GLB1L3: variants seen among roughly 807,000 people sequenced by gnomAD.
The protein encoded by GLB1L3 is galactosidase beta 1 like 3, also known as beta-galactosidase-1-like protein 3.
In GLB1L3, 89 loss-of-function variants were observed where a neutral mutation model predicts 89.5. The ratio of observed to expected loss-of-function variants is 0.99; its 90% confidence interval spans 0.84 to 1.19. GLB1L3 has a LOEUF of 1.19. Ranked by LOEUF, GLB1L3 falls within the 50% of genes most tolerant of loss-of-function variation. The pLI is 0.00. For synonymous variants in GLB1L3, 314 were observed against 312.3 expected, an observed-to-expected ratio of 1.01 and a Z score of -0.06; for missense variants, 812 against 813.3, an observed-to-expected ratio of 1.00 and a Z score of 0.02.
In GLB1L3 at chr11:134,293,729, T is replaced by C. The variant is rs555086583; in HGVS notation, c.876+520T>C. Among the ~76,000 whole-genome samples the C allele has an allele frequency of 5.1e-3, 580 of 113,962 alleles. 4 individuals carry two copies. The highest frequency in any genetic ancestry group is 0.015 in the African/African-American group (555 of 36,448). The allele number at this position is 113,962 out of a possible 152,430, so 74.8% of individuals were successfully genotyped here. On this transcript the variant is annotated intron_variant, in intron 9 of 19. Coordinates refer to ENST00000431683, the MANE Select transcript of GLB1L3 (RefSeq NM_001080407.3). ...CCAGGGAGTACATCTGTCCTTTCTC[T>C]GCAGCCTCCAGGGAGTACATCATCT...
chr11:134,290,613 A>T (rs1941308136), intron 7 of GLB1L3, among the ~76,000 whole-genome samples: 1 of 149,274 alleles, frequency 6.7e-6, no homozygotes, highest in South Asian at 2.1e-4. Flanking sequence ...AGAAAAAGAA[A>T]AAAAAACCAT....
intron 10 of GLB1L3, among the ~76,000 whole-genome samples, chr11:134,308,655 T>TCACCACCACCACCACCATCAC (rs1942556108): frequency 1.9e-4 from 20 of 105,544 alleles, no homozygotes; most frequent in East Asian, 6.4e-4. Flanking sequence ...ACCACCATCA[T>TCACCACCACCACCACCATCAC]CACCACCACC....
intron 9 of GLB1L3, among the ~76,000 whole-genome samples, chr11:134,298,971 A>G (rs1398757988): frequency 6.6e-6 from 1 of 152,196 alleles, no homozygotes; most frequent in Non-Finnish European, 1.5e-5. Context: ...GTGTGGTCTC[A>G]CAACTCTTGG....
rs1941738308 is a variant in GLB1L3, at chr11:134,297,882, A to G, written c.876+4673A>G. Among the ~76,000 whole-genome samples, 3 of 148,222 alleles carry G rather than the reference A, an allele frequency of 2.0e-5. No homozygotes were observed. In the South Asian group the frequency reaches 6.4e-4, roughly 32 times the overall value. ...CTCAAAAAAAAAAAAAAAAAAAAGAAAGAAAGAGAGAAAAAAATATATATA... is the reference window on the plus strand; with the variant it reads ...CTCAAAAAAAAAAAAAAAAAAAAGAGAGAAAGAGAGAAAAAAATATATATA... On this transcript the variant is annotated intron_variant, in intron 9 of 19. Transcript: ENST00000431683.
chr11:134,306,939 A>G (rs1022170821), intron 9 of GLB1L3, among the ~76,000 whole-genome samples, 185 bp from the exon 10 acceptor site: 1 of 152,248 alleles, frequency 6.6e-6, no homozygotes, highest in Non-Finnish European at 1.5e-5. Flanking sequence ...GAGTGGAGGA[A>G]CCAGAGCTGT....
At chr11:134,307,358 G>C in intron 10 of GLB1L3, 150 bp downstream of exon 10, 1 of 624,980 alleles carries the variant, frequency 1.6e-6, no homozygotes, top group Non-Finnish European at 2.8e-6. Flanking sequence ...AGGCCCTGAG[G>C]ATGCTCTGGT....
At chr11:134,311,550 C>G (rs773234338) in intron 13 of GLB1L3, 2 of 180,708 alleles carry the variant, frequency 1.1e-5, no homozygotes, top group Non-Finnish European at 2.3e-5. Flanking sequence ...TGGGTCACTG[C>G]TCCCCCTTTT....
intron 1 of GLB1L3, 87 bp from the exon 2 acceptor site, chr11:134,277,239 A>G (rs1244847945): frequency 6.3e-7 from 1 of 1,578,828 alleles, no homozygotes; most frequent in Non-Finnish European, 8.7e-7. Context: ...TCTGGCCTCT[A>G]AAGCGCCCCC....
intron 6 of GLB1L3, among the ~76,000 whole-genome samples, chr11:134,284,527 A>G (rs780807162): frequency 6.6e-6 from 1 of 152,074 alleles, no homozygotes; most frequent in Non-Finnish European, 1.5e-5. Flanking sequence ...CAGGAGTTCG[A>G]GATCAGCCTG....
Position 134,282,139 on chromosome 11 carries a change from C to T in GLB1L3, c.527+19C>T, listed in dbSNP as rs754846317. 1 of 1,559,826 alleles carries T rather than the reference C, an allele frequency of 6.4e-7. No individual in the cohort carries two copies. The highest frequency in any genetic ancestry group is 8.7e-7 in the Non-Finnish European group (1 of 1,150,808). On this transcript the variant is annotated intron_variant, in intron 5 of 19. Coordinates refer to ENST00000431683, the MANE Select transcript of GLB1L3 (RefSeq NM_001080407.3). Reference sequence around the variant, plus strand: ...TGCCCAGGTAAGCGGGGCTACAGTCCCAGAGTCGTGGTTCTAGTGAAGTAT... The same window carrying T: ...TGCCCAGGTAAGCGGGGCTACAGTCTCAGAGTCGTGGTTCTAGTGAAGTAT...
At chr11:134,315,465 AGT>A (rs957382844) in intron 18 of GLB1L3, among the ~76,000 whole-genome samples, 6 of 152,166 alleles carry the variant, frequency 3.9e-5, no homozygotes, top group Non-Finnish European at 7.4e-5. Context: ...TTTTTGAAAA[AGT>A]GTGTGAGTGT....
At chr11:134,319,641 A>G (rs1854620515), downstream of GLB1L3, 1 of 151,814 alleles carries the variant, frequency 6.6e-6, no homozygotes, top group African/African-American at 2.4e-5. Flanking sequence ...TGATTTCCTC[A>G]TGCCAGAGAG....
At chr11:134,284,342 C>T (rs909771855) in intron 6 of GLB1L3, among the ~76,000 whole-genome samples, 1 of 152,132 alleles carries the variant, frequency 6.6e-6, no homozygotes, top group Non-Finnish European at 1.5e-5. Context: ...AGGCATTTTT[C>T]TTTTGTTACT....
At chr11:134,288,957 T>C in intron 7 of GLB1L3, 67 bp downstream of exon 7, 1 of 1,107,372 alleles carries the variant, frequency 9.0e-7, no homozygotes, top group Non-Finnish European at 1.3e-6. Context: ...TTCTGATTCC[T>C]GGATGCATGA....
In GLB1L3 at chr11:134,293,941, G is replaced by C. The variant is rs539004690; in HGVS notation, c.876+732G>C. 2.6e-5 allele frequency among the ~76,000 whole-genome samples: 4 copies of C among 152,122 alleles called. No homozygotes were observed. The South Asian group carries it at 8.3e-4, about 32-fold the overall frequency. ...CAGCCCCGCTACCCCTCCCTTGAGG[G>C]CCTTCCTTCCATTCCAGCACACTGC... On this transcript the variant is annotated intron_variant, in intron 9 of 19. Coordinates refer to ENST00000431683, the MANE Select transcript of GLB1L3 (RefSeq NM_001080407.3).
upstream of GLB1L3, chr11:134,276,042 G>T (rs1429875230): frequency 6.6e-6 from 1 of 152,510 alleles, no homozygotes; most frequent in Admixed American, 6.5e-5. Flanking sequence ...GCAGCTCGGC[G>T]TGGCGTCCAC....
intron 6 of GLB1L3, among the ~76,000 whole-genome samples, chr11:134,286,092 A>T (rs899989144): frequency 5.9e-5 from 9 of 151,882 alleles, no homozygotes; most frequent in Admixed American, 2.6e-4. Context: ...TATTTTTAGT[A>T]GAGATGGGGT....
intron 9 of GLB1L3, among the ~76,000 whole-genome samples, chr11:134,304,146 C>A (rs1942075420): frequency 6.6e-6 from 1 of 152,142 alleles, no homozygotes; most frequent in African/African-American, 2.4e-5. Flanking sequence ...CTCCTCTCAT[C>A]CTGGAATTCC....
At chr11:134,286,720 G>T (rs1053596928) in intron 6 of GLB1L3, among the ~76,000 whole-genome samples, 12 of 151,332 alleles carry the variant, frequency 7.9e-5, no homozygotes, top group East Asian at 3.9e-4. Context: ...GAGCTTGCAG[G>T]GAGCCAAGAT....
Sources: allele counts gnomAD v4.1 joint callset (sites outside exome capture counted in the v4.1 genomes callset), GRCh38; gene constraint gnomAD v4.1.1; transcripts MANE v1.5; gene names NCBI Gene and HGNC (gene_info 2026-07-23, HGNC 2026-07-21).